Variants in MET observed in about 807,000 individuals in gnomAD.
MET encodes the protein hepatocyte growth factor receptor.
In MET, 48 loss-of-function variants were observed where a neutral mutation model predicts 133.1. The ratio of observed to expected loss-of-function variants is 0.36; its 90% CI spans 0.29 to 0.46. The LOEUF is 0.46. Among genes scored for constraint, MET ranks in the 20% least tolerant of loss-of-function variants. MET has a pLI of 1.00. For synonymous variants in MET, 628 were observed against 616.5 expected (o/e 1.02, Z -0.28); for missense variants, 1,442 against 1,695.9 (o/e 0.85, Z 2.63).
chr7:116,768,612 C>T (rs1455541728), intron 11 of MET, among the ~76,000 whole-genome samples: 2 of 152,198 alleles, frequency 1.3e-5, no homozygotes, highest in Non-Finnish European at 2.9e-5. Flanking sequence ...ACCAATCAAT[C>T]TATTGAGATC....
intron 2 of MET, among the ~76,000 whole-genome samples, chr7:116,719,433 G>A (rs944589788): frequency 3.7e-4 from 57 of 152,208 alleles, no homozygotes; most frequent in Admixed American, 2.0e-3. Context: ...CTCCCATTTT[G>A]TAGGTTGCCT....
chr7:116,796,037 C>G lies in MET; in HGVS notation c.4086C>G (p.Val1362=), dbSNP rs753757242. Residue 1362 remains valine, a synonymous_variant, in exon 21 of 21, where the codon GTC becomes GTG. Transcript: ENST00000397752. ...CTACTTATGTGAACGTAAAATGTGT[C>G]GCTCCGTATCCTTCTCTGTTGTCAT... ...VNATYVNVKC[V]APYPSLLSSE... 2 of 1,613,940 alleles carry G rather than the reference C, an allele frequency of 1.2e-6. No individual in the cohort carries two copies. The highest frequency in any genetic ancestry group is 1.7e-6 in the Non-Finnish European group (2 of 1,179,918).
intron 1 of MET, among the ~76,000 whole-genome samples, chr7:116,692,386 T>G (rs1167930286): frequency 2.0e-5 from 3 of 152,348 alleles, no homozygotes; most frequent in African/African-American, 7.2e-5. Flanking sequence ...AAGAAGAAAC[T>G]TATTCTATTG....
chr7:116,684,841 A>C (rs1195621341), intron 1 of MET, among the ~76,000 whole-genome samples: 1 of 152,190 alleles, frequency 6.6e-6, no homozygotes, highest in East Asian at 1.9e-4. Context: ...GACATAGTCA[A>C]ATTGTCAGTT....
chr7:116,713,319 C>T (rs1212331896), intron 2 of MET, among the ~76,000 whole-genome samples: 4 of 150,184 alleles, frequency 2.7e-5, no homozygotes, highest in African/African-American at 4.9e-5. Flanking sequence ...GGCGTGAACC[C>T]GGGAGGCGGA....
rs587778446 is a variant in MET, at chr7:116,757,644, G to A, written c.1972G>A (p.Val658Ile). Residue 658 changes from valine to isoleucine, a missense_variant, in exon 8 of 21, where the codon GTA becomes ATA. This residue lies in a region of MET where 514 missense variants were observed against 659.6 expected (regional missense o/e 0.78). Transcript: ENST00000397752. ...GTTTTTATCTCCCCTCCAGGATCCTGTAATAACAAGTATTTCGCCGAAATA... is the reference window on the plus strand; with the variant it reads ...GTTTTTATCTCCCCTCCAGGATCCTATAATAACAAGTATTTCGCCGAAATA... Reference protein sequence around the residue: ...QYSTFSYVDPVITSISPKYGP... With the variant: ...QYSTFSYVDPIITSISPKYGP... 4.5e-5 allele frequency: 73 copies of A among 1,613,816 alleles called. No individual in the cohort carries two copies. Among genetic ancestry groups the A allele is most frequent in the Non-Finnish European group, 5.4e-5 (64 of 1,179,960 alleles).
chr7:116,693,070 A>G (rs1796832135), intron 1 of MET, among the ~76,000 whole-genome samples: 1 of 152,242 alleles, frequency 6.6e-6, no homozygotes, highest in Non-Finnish European at 1.5e-5. Context: ...TTCACTACCA[A>G]TATAAATATT....
Position 116,700,912 on chromosome 7 carries a change from C to T in MET, c.1200+628C>T, listed in dbSNP as rs543377449. Among the ~76,000 whole-genome samples the T allele has an allele frequency of 2.6e-5, 4 of 152,272 alleles. No homozygotes were observed. In the South Asian group the frequency reaches 6.2e-4, roughly 24 times the overall value. ...AGAGTAGAGAGGAAATGTTTGTTCCCAAGTCCTTCCTTTAGAGCTTGACTT... is the reference window on the plus strand; with the variant it reads ...AGAGTAGAGAGGAAATGTTTGTTCCTAAGTCCTTCCTTTAGAGCTTGACTT... On this transcript the variant is annotated intron_variant, in intron 2 of 20. Coordinates refer to ENST00000397752, the MANE Select transcript of MET (RefSeq NM_000245.4).
At chr7:116,753,465 A>G (rs1794007417) in intron 5 of MET, among the ~76,000 whole-genome samples, 1 of 152,218 alleles carries the variant, frequency 6.6e-6, no homozygotes, top group Admixed American at 6.5e-5. Context: ...CAATTATCTT[A>G]CACACTTTAT....
At chr7:116,750,013 A>G (rs1396740952) in intron 5 of MET, among the ~76,000 whole-genome samples, 1 of 152,236 alleles carries the variant, frequency 6.6e-6, no homozygotes, top group African/African-American at 2.4e-5. Flanking sequence ...TGCCCAAAGT[A>G]ATTTATACAT....
intron 1 of MET, among the ~76,000 whole-genome samples, chr7:116,677,756 G>T (rs1429682005): frequency 6.6e-6 from 1 of 152,170 alleles, no homozygotes. Context: ...TTTTATGTCA[G>T]TTCCTATTGG....
intron 2 of MET, among the ~76,000 whole-genome samples, chr7:116,705,120 T>A (rs185828988): frequency 6.6e-6 from 1 of 152,000 alleles, no homozygotes. Flanking sequence ...ATAATAGGAA[T>A]AGGCAGAAAA....
At chr7:116,696,802 T>C (rs1796982038) in intron 1 of MET, among the ~76,000 whole-genome samples, 1 of 152,238 alleles carries the variant, frequency 6.6e-6, no homozygotes, top group Admixed American at 6.5e-5. Context: ...AAGTTCTAAA[T>C]TTTTATTCCT....
intron 2 of MET, among the ~76,000 whole-genome samples, chr7:116,718,631 ATCCC>A (rs1792341656): frequency 1.5e-5 from 2 of 132,522 alleles, no homozygotes; most frequent in South Asian, 3.0e-4. Context: ...TCCCAATGCT[ATCCC>A]TCCCCCCTCC....
chr7:116,769,772 A>G lies in MET; in HGVS notation c.2711A>G (p.Asn904Ser), dbSNP rs765441927. ...CTVPNDLLKL[N>S]SELNIEWKQA... ...GTCCCCAATGACCTGCTGAAATTGA[A>G]CAGCGAGCTAAATATAGAGGTGGGA... is the stretch of plus-strand genomic sequence containing the variant. The change falls in exon 12 of 21, where the codon AAC becomes AGC. Residue 904 changes from asparagine (N) to serine (S), a missense_variant. By Grantham distance (46) the Asn-to-Ser change is conservative. This residue lies in a region of MET where 514 missense variants were observed against 659.6 expected (regional missense o/e 0.78). Transcript: ENST00000397752. 1.2e-6 allele frequency: 2 copies of G among 1,613,844 alleles called. No individual in the cohort carries two copies. Among genetic ancestry groups the G allele is most frequent in the South Asian group, 1.1e-5 (1 of 91,062 alleles).
intron 2 of MET, among the ~76,000 whole-genome samples, chr7:116,719,409 G>C (rs1233590044): frequency 2.0e-5 from 3 of 149,096 alleles, no homozygotes; most frequent in Non-Finnish European, 4.5e-5. Context: ...AGATGAGTAG[G>C]TTGCAAAAAT....
chr7:116,738,330 G>A (rs183564084), intron 3 of MET, among the ~76,000 whole-genome samples: 33 of 152,258 alleles, frequency 2.2e-4, no homozygotes, highest in Non-Finnish European at 3.8e-4. Context: ...ACCAAAATCT[G>A]GAGAATTTGT....
intron 9 of MET, 30 bp downstream of exon 9, chr7:116,758,650 A>T (rs779931654): frequency 1.2e-6 from 2 of 1,602,558 alleles, no homozygotes; most frequent in East Asian, 4.5e-5. Context: ...GGGTATAAGA[A>T]AACAATGAAT....
chr7:116,733,641 A>G (rs761807652), intron 3 of MET, among the ~76,000 whole-genome samples: 1 of 152,220 alleles, frequency 6.6e-6, no homozygotes, highest in Non-Finnish European at 1.5e-5. Context: ...AAAAGAAACT[A>G]TATTTTGCCT....
Sources: gnomAD v4.1 joint callset for allele counts (sites outside exome capture counted in the v4.1 genomes callset) on GRCh38, gnomAD v4.1.1 for gene constraint, gnomAD v4.1.1 regional missense constraint, MANE v1.5 for transcripts, NCBI Gene and HGNC (gene_info 2026-07-23, HGNC 2026-07-21) for gene names.